PARD3: variants seen among roughly 807,000 people sequenced by gnomAD.
PARD3 encodes the protein par-3 family cell polarity regulator, also known as partitioning defective 3 homolog.
A neutral mutation model predicts 155.4 loss-of-function variants in PARD3; 75 were observed. That is an observed-to-expected ratio of 0.48 (90% CI 0.40 to 0.58). The LOEUF (loss-of-function observed/expected upper bound fraction) is 0.58. Ranked by LOEUF, PARD3 falls within the 20% of genes least tolerant of loss-of-function variation. The pLI, the probability that PARD3 is intolerant of heterozygous loss-of-function variation, is 0.00. For synonymous variants in PARD3, 576 were observed against 610.5 expected (o/e 0.94, Z 0.83); for missense variants, 1,642 against 1,721.7 (o/e 0.95, Z 0.82).
chr10:34,573,729 AAACAAAAACACACACAC>A (rs2086635620), intron 2 of PARD3, among the ~76,000 whole-genome samples: 4 of 90,442 alleles, frequency 4.4e-5, no homozygotes, highest in African/African-American at 2.3e-4. Flanking sequence ...ACAAACAAAC[AAACAAAAACACACACAC>A]ACACACACAC....
intron 21 of PARD3, among the ~76,000 whole-genome samples, chr10:34,272,859 C>T (rs1955689594): frequency 6.6e-6 from 1 of 152,154 alleles, no homozygotes; most frequent in Admixed American, 6.5e-5. Flanking sequence ...GGATGACAAG[C>T]ATGTGAAAAG....
At chr10:34,339,019 C>G (rs1836504974) in intron 16 of PARD3, among the ~76,000 whole-genome samples, 1 of 152,036 alleles carries the variant, frequency 6.6e-6, no homozygotes, top group South Asian at 2.1e-4. Context: ...GTGTAAATGG[C>G]TTATATGATG....
chr10:34,597,502 C>T (rs928810007), intron 2 of PARD3, among the ~76,000 whole-genome samples: 1 of 152,108 alleles, frequency 6.6e-6, no homozygotes, highest in South Asian at 2.1e-4. Flanking sequence ...AATAACAGCT[C>T]GCTGCACCCT....
intron 22 of PARD3, among the ~76,000 whole-genome samples, chr10:34,167,233 T>C (rs1436198376): frequency 6.6e-6 from 1 of 152,158 alleles, no homozygotes; most frequent in East Asian, 1.9e-4. Flanking sequence ...CCAAAAAGTT[T>C]GACTATAATA....
At chr10:34,611,598 C>G (rs1302607316) in intron 2 of PARD3, among the ~76,000 whole-genome samples, 1 of 152,086 alleles carries the variant, frequency 6.6e-6, no homozygotes, top group Non-Finnish European at 1.5e-5. Context: ...TCCCTTCCTT[C>G]TAGACTTCTC....
Position 34,331,123 on chromosome 10 carries a change from C to T in PARD3, c.2827G>A (p.Glu943Lys). The T allele has an allele frequency of 1.2e-6, 2 of 1,611,956 alleles. No homozygotes were observed. The highest frequency in any genetic ancestry group is 1.7e-6 in the Non-Finnish European group (2 of 1,178,092). Residue 943 changes from glutamate to lysine, a missense_variant, in exon 19 of 25, where the codon GAG (glutamate) becomes AAG (lysine). Physicochemically the swap from Glu to Lys is moderately conservative, Grantham distance 56. Transcript: ENST00000374788. Reference sequence around the variant, plus strand: ...TCAGCCATTATAAACTTACAGGTCTCCATGCCTTCATCATCATCATCTACC... The same window carrying T: ...TCAGCCATTATAAACTTACAGGTCTTCATGCCTTCATCATCATCATCTACC... ...PAVDDDDEGM[E>K]TLEEDTEESS...
At chr10:34,211,958 G>GA (rs939544835) in intron 22 of PARD3, among the ~76,000 whole-genome samples, 2 of 150,926 alleles carry the variant, frequency 1.3e-5, no homozygotes, top group Admixed American at 6.6e-5. Flanking sequence ...TCCATCAAGA[G>GA]AAAAGGCCAC....
At chr10:34,768,826 T>C (rs1449454353) in intron 1 of PARD3, among the ~76,000 whole-genome samples, 9 of 152,156 alleles carry the variant, frequency 5.9e-5, no homozygotes, top group Non-Finnish European at 1.2e-4. Flanking sequence ...CACATGCCAC[T>C]CCCTGCTGAG....
At chr10:34,678,071 T>TATTC (rs1324438810) in intron 2 of PARD3, among the ~76,000 whole-genome samples, 2 of 152,024 alleles carry the variant, frequency 1.3e-5, no homozygotes, top group Non-Finnish European at 2.9e-5. Flanking sequence ...TTTATTTATT[T>TATTC]ATTTAATTTA....
At chr10:34,588,937 T>C (rs932801850) in intron 2 of PARD3, among the ~76,000 whole-genome samples, 10 of 152,134 alleles carry the variant, frequency 6.6e-5, no homozygotes, top group Admixed American at 4.6e-4. Flanking sequence ...AGTTCTACAT[T>C]AAAATACAAA....
At chr10:34,267,720 T>A (rs1955394067) in intron 22 of PARD3, among the ~76,000 whole-genome samples, 1 of 152,182 alleles carries the variant, frequency 6.6e-6, no homozygotes, top group South Asian at 2.1e-4. Flanking sequence ...ATGCTATGGA[T>A]GAAGTATTTC....
intron 2 of PARD3, among the ~76,000 whole-genome samples, chr10:34,628,121 T>A (rs917613447): frequency 2.6e-5 from 4 of 152,230 alleles, no homozygotes; most frequent in African/African-American, 9.6e-5. Flanking sequence ...TACGTGGGAA[T>A]ACTTTCCAAA....
intron 20 of PARD3, among the ~76,000 whole-genome samples, chr10:34,306,809 T>A (rs1957434040): frequency 1.3e-5 from 2 of 152,172 alleles, no homozygotes; most frequent in African/African-American, 4.8e-5. Flanking sequence ...AGCATTGTCC[T>A]GGTATGAAGA....
chr10:34,525,451 G>C (rs748243443), intron 2 of PARD3, among the ~76,000 whole-genome samples: 8 of 152,186 alleles, frequency 5.3e-5, no homozygotes, highest in Non-Finnish European at 1.2e-4. Context: ...TCAGGCTCTA[G>C]CCCCATGGTT....
intron 3 of PARD3, among the ~76,000 whole-genome samples, chr10:34,478,267 T>C (rs1043820383): frequency 1.3e-5 from 2 of 152,106 alleles, no homozygotes; most frequent in Admixed American, 1.3e-4. Context: ...ACCACAAACA[T>C]AGTTTAAGGG....
At chr10:34,791,201 C>T (rs1359860095) in intron 1 of PARD3, among the ~76,000 whole-genome samples, 3 of 152,200 alleles carry the variant, frequency 2.0e-5, no homozygotes, top group African/African-American at 7.2e-5. Flanking sequence ...GAAGCACTGA[C>T]GCTTGTACCC....
chr10:34,441,009 C>T (rs2076434162), intron 5 of PARD3, among the ~76,000 whole-genome samples: 1 of 152,108 alleles, frequency 6.6e-6, no homozygotes, highest in Admixed American at 6.5e-5. Context: ...AGATTATGTT[C>T]TTCAGAAAAG....
At position 34,277,995 on chromosome 10, in the gene PARD3, G is replaced by A. The variant is rs543245042; in HGVS notation, c.3176+6140C>T. On this transcript the variant is annotated intron_variant, in intron 21 of 24. Transcript: ENST00000374788. ...ACTACTAACTCCAGCCCCACTGGTCGTTCCCCTTCCCAAAGCTCTGTAATC... is the reference window on the plus strand; with the variant it reads ...ACTACTAACTCCAGCCCCACTGGTCATTCCCCTTCCCAAAGCTCTGTAATC... Among the ~76,000 whole-genome samples, 9 of 152,238 alleles carry A rather than the reference G, an allele frequency of 5.9e-5. No individual in the cohort carries two copies. The South Asian group carries it at 8.3e-4, about 14-fold the overall frequency.
chr10:34,142,985 T>C (rs891877658), intron 22 of PARD3, among the ~76,000 whole-genome samples: 1 of 152,128 alleles, frequency 6.6e-6, no homozygotes, highest in East Asian at 1.9e-4. Context: ...GTGAAAAATC[T>C]TGACAAACTA....
Sources: gnomAD v4.1 joint callset for allele counts (sites outside exome capture counted in the v4.1 genomes callset) on GRCh38, gnomAD v4.1.1 for gene constraint, MANE v1.5 for transcripts, NCBI Gene and HGNC (gene_info 2026-07-23, HGNC 2026-07-21) for gene names.